Variants in JAKMIP2 observed in about 807,000 individuals in gnomAD.
The protein encoded by JAKMIP2 is janus kinase and microtubule-interacting protein 2.
A neutral mutation model predicts 115.0 loss-of-function variants in JAKMIP2; 25 were observed. The observed-to-expected ratio is 0.22, with a 90% CI of 0.16 to 0.30. The LOEUF (loss-of-function observed/expected upper bound fraction) is 0.30. Ranked by LOEUF, JAKMIP2 falls within the 10% of genes least tolerant of loss-of-function variation. JAKMIP2 has a pLI of 1.00. For missense variants in JAKMIP2, 642 were observed against 957.6 expected (o/e 0.67, Z 4.35); for synonymous variants, 334 against 343.6 (o/e 0.97, Z 0.31).
intron 1 of JAKMIP2, among the ~76,000 whole-genome samples, chr5:147,688,128 A>C (rs1561539226): frequency 6.6e-6 from 1 of 152,212 alleles, no homozygotes; most frequent in Non-Finnish European, 1.5e-5. Context: ...TGACTTACAA[A>C]GAAGTCCTGT....
At chr5:147,638,272 C>T (rs1757716965) in intron 10 of JAKMIP2, among the ~76,000 whole-genome samples, 1 of 151,782 alleles carries the variant, frequency 6.6e-6, no homozygotes, top group South Asian at 2.1e-4. Flanking sequence ...CTTTAATGGT[C>T]AGAGAGAACG....
chr5:147,625,517 CAT>C (rs1757055829), intron 16 of JAKMIP2, among the ~76,000 whole-genome samples: 2 of 152,188 alleles, frequency 1.3e-5, no homozygotes, highest in East Asian at 1.9e-4. Context: ...TAAATAGACT[CAT>C]ATTGCAATTG....
chr5:147,720,033 G>A (rs1283950980), intron 1 of JAKMIP2, among the ~76,000 whole-genome samples: 2 of 151,940 alleles, frequency 1.3e-5, no homozygotes, highest in Non-Finnish European at 2.9e-5. Flanking sequence ...AGCTCTTTTA[G>A]GGCAGGCCTG....
rs1361840448 is a variant in JAKMIP2, at chr5:147,590,249, G to A, written c.*1458C>T. On this transcript the variant is annotated 3_prime_UTR_variant, in exon 22 of 22. Coordinates refer to ENST00000616793, the MANE Select transcript of JAKMIP2 (RefSeq NM_001270941.2). ...CCCTACACATATTCTCTATGCATGG[G>A]AATTCTAGCCCCATAAATAAAACTT... is the stretch of plus-strand genomic sequence containing the variant. 1 of 152,148 alleles carries A rather than the reference G, an allele frequency of 6.6e-6. No individual in the cohort carries two copies. The highest frequency in any genetic ancestry group is 1.5e-5 in the Non-Finnish European group (1 of 68,034). 9.4% of individuals were successfully genotyped at this position (152,148 alleles called of 1,614,324 possible). A position where few individuals can be genotyped will look rare whatever the true frequency, so the allele number is the denominator to read the frequency against.
At chr5:147,755,914 C>A (rs1488361836) in intron 1 of JAKMIP2, among the ~76,000 whole-genome samples, 4 of 152,136 alleles carry the variant, frequency 2.6e-5, no homozygotes, top group Non-Finnish European at 5.9e-5. Context: ...TAAACACACA[C>A]CCTTTGAAGA....
At chr5:147,765,124 AT>A (rs538406102) in intron 1 of JAKMIP2, among the ~76,000 whole-genome samples, 280 of 151,900 alleles carry the variant, frequency 1.8e-3, no homozygotes, top group African/African-American at 6.3e-3. Context: ...ATTAAAAAAA[AT>A]AATTGGAATG....
chr5:147,739,094 G>C (rs982794334), intron 1 of JAKMIP2, among the ~76,000 whole-genome samples: 12 of 152,160 alleles, frequency 7.9e-5, no homozygotes, highest in African/African-American at 2.9e-4. Context: ...CAAGGGGAAG[G>C]GGCTCTGCTC....
At chr5:147,769,414 T>C (rs1374717197) in intron 1 of JAKMIP2, among the ~76,000 whole-genome samples, 1 of 152,174 alleles carries the variant, frequency 6.6e-6, no homozygotes, top group Non-Finnish European at 1.5e-5. Flanking sequence ...AGAATGTGTA[T>C]GGATTTTTGT....
intron 12 of JAKMIP2, among the ~76,000 whole-genome samples, chr5:147,633,754 A>T (rs1757477731): frequency 6.9e-6 from 1 of 144,798 alleles, no homozygotes; most frequent in Non-Finnish European, 1.5e-5. Context: ...GGAGTGCATG[A>T]TCTCAGTTCA....
chr5:147,753,541 C>T (rs992300116), intron 1 of JAKMIP2, among the ~76,000 whole-genome samples: 3 of 152,156 alleles, frequency 2.0e-5, no homozygotes, highest in African/African-American at 7.2e-5. Context: ...TGCAACCACA[C>T]GATATGGTCA....
chr5:147,598,147 C>T (rs1269614899), intron 21 of JAKMIP2, among the ~76,000 whole-genome samples: 2 of 152,048 alleles, frequency 1.3e-5, no homozygotes, highest in East Asian at 1.9e-4. Context: ...ACTACAGGCG[C>T]CCGCCACCAC....
chr5:147,598,560 A>G (rs1231420433), intron 21 of JAKMIP2, among the ~76,000 whole-genome samples: 1 of 152,116 alleles, frequency 6.6e-6, no homozygotes, highest in Non-Finnish European at 1.5e-5. Flanking sequence ...GAAAACCAGA[A>G]TGCATAGCCA....
intron 1 of JAKMIP2, among the ~76,000 whole-genome samples, chr5:147,767,970 TCTTGCATTA>T (rs1436373437): frequency 6.6e-6 from 1 of 152,176 alleles, no homozygotes; most frequent in Non-Finnish European, 1.5e-5. Context: ...AAATCCATTT[TCTTGCATTA>T]CTCCCTGAAT....
intron 2 of JAKMIP2, among the ~76,000 whole-genome samples, chr5:147,666,319 A>G (rs1376746147): frequency 1.3e-5 from 2 of 152,312 alleles, no homozygotes; most frequent in Middle Eastern, 3.4e-3. Context: ...GAATATACAA[A>G]ATTATAAACT....
At chr5:147,649,517 G>A (rs1758291383) in intron 4 of JAKMIP2, among the ~76,000 whole-genome samples, 1 of 152,092 alleles carries the variant, frequency 6.6e-6, no homozygotes, top group African/African-American at 2.4e-5. Context: ...CAAAGAGTCT[G>A]ACTCTAGAGC....
chr5:147,733,205 T>A (rs1753797518), intron 1 of JAKMIP2, among the ~76,000 whole-genome samples: 1 of 152,200 alleles, frequency 6.6e-6, no homozygotes, highest in African/African-American at 2.4e-5. Flanking sequence ...AAAATGTTAC[T>A]CATGATAATA....
chr5:147,617,383 T>C (rs888807016), intron 19 of JAKMIP2, among the ~76,000 whole-genome samples: 1 of 152,220 alleles, frequency 6.6e-6, no homozygotes, highest in Non-Finnish European at 1.5e-5. Context: ...AGGGCTATTA[T>C]GAAGATTAAA....
At chr5:147,595,513 C>T (rs746842804) in intron 21 of JAKMIP2, 10 of 455,316 alleles carry the variant, frequency 2.2e-5, no homozygotes, top group South Asian at 4.6e-5. Flanking sequence ...GCTGGTGCCT[C>T]GATCTTCAAT....
At chr5:147,685,402 C>T (rs1760518696) in intron 1 of JAKMIP2, among the ~76,000 whole-genome samples, 1 of 152,044 alleles carries the variant, frequency 6.6e-6, no homozygotes, top group African/African-American at 2.4e-5. Flanking sequence ...ATAAGCTAGG[C>T]ACTACAGTAA....
Sources: allele counts gnomAD v4.1 joint callset (sites outside exome capture counted in the v4.1 genomes callset), GRCh38; gene constraint gnomAD v4.1.1; transcripts MANE v1.5; gene names NCBI Gene and HGNC (gene_info 2026-07-23, HGNC 2026-07-21).